RIMS1: variants seen among roughly 807,000 people sequenced by gnomAD.
RIMS1 encodes regulating synaptic membrane exocytosis protein 1.
A neutral mutation model predicts 214.1 loss-of-function variants in RIMS1; 83 were observed. The ratio of observed to expected loss-of-function variants is 0.39; its 90% CI spans 0.32 to 0.47. RIMS1 has a LOEUF of 0.47. RIMS1 is among the 20% of genes least tolerant of loss of function. RIMS1 has a pLI of 0.99. For missense variants in RIMS1, 2,050 were observed against 2,161.8 expected, an observed-to-expected ratio of 0.95 and a Z score of 1.03; for synonymous variants, 793 against 786.8, an observed-to-expected ratio of 1.01 and a Z score of -0.13.
rs750047238 is a variant in RIMS1, at chr6:72,182,515, G to T, written c.1044G>T (p.Glu348Asp). 2 of 1,588,584 alleles carry T rather than the reference G, an allele frequency of 1.3e-6. No homozygotes were observed. Among genetic ancestry groups the T allele is most frequent in the Admixed American group, 1.8e-5 (1 of 55,380 alleles). The change falls in exon 6 of 34, where the codon GAG (glutamate) becomes GAT (aspartate). Residue 348 changes from glutamate to aspartate, a missense_variant. Glu to Asp is a conservative substitution (Grantham distance 45). Around this residue, in one of 6 missense-constraint regions of RIMS1, gnomAD observed 882 missense variants for 828.9 expected, o/e 1.06. Coordinates refer to ENST00000521978, the MANE Select transcript of RIMS1 (RefSeq NM_014989.7). Reference protein sequence around the residue: ...KAADEEKQRKEEDYQTRYRSD... With the variant: ...KAADEEKQRKDEDYQTRYRSD... ...CGGATGAGGAAAAGCAAAGAAAAGA[G>T]GAGGATTATCAGACCAGGTACCGCA...
At chr6:71,918,174 G>A (rs1331491061) in intron 1 of RIMS1, among the ~76,000 whole-genome samples, 1 of 152,140 alleles carries the variant, frequency 6.6e-6, no homozygotes, top group East Asian at 1.9e-4. Context: ...AGATGAAGAA[G>A]AGAGGAGAGG....
chr6:72,341,877 G>A (rs1242765557), intron 29 of RIMS1, among the ~76,000 whole-genome samples: 1 of 151,700 alleles, frequency 6.6e-6, no homozygotes, highest in Admixed American at 6.6e-5. Flanking sequence ...TACTTTGTTA[G>A]CATAATATCT....
At chr6:72,316,450 G>A in intron 28 of RIMS1, 1 of 323,992 alleles carries the variant, frequency 3.1e-6, no homozygotes, top group South Asian at 2.7e-5. Context: ...GCGTGGGGTA[G>A]TCCAATAAAT....
chr6:71,946,660 A>C (rs1337503846), intron 1 of RIMS1, among the ~76,000 whole-genome samples: 1 of 152,166 alleles, frequency 6.6e-6, no homozygotes, highest in African/African-American at 2.4e-5. Context: ...TAAATGTAAG[A>C]CCTGAAACTC....
intron 27 of RIMS1, among the ~76,000 whole-genome samples, chr6:72,309,429 C>T (rs1351847469): frequency 6.6e-6 from 1 of 152,012 alleles, no homozygotes; most frequent in Non-Finnish European, 1.5e-5. Flanking sequence ...TTAGTAGAGC[C>T]TCTCTGTATA....
chr6:72,100,520 G>A (rs1445714387), intron 4 of RIMS1, among the ~76,000 whole-genome samples: 1 of 152,016 alleles, frequency 6.6e-6, no homozygotes, highest in African/African-American at 2.4e-5. Context: ...TGTTAGGAGA[G>A]TAAAAGGTCA....
chr6:72,392,651 A>G (rs1445579129), intron 30 of RIMS1, 47 bp from the exon 31 acceptor site: 1 of 1,270,974 alleles, frequency 7.9e-7, no homozygotes, highest in Admixed American at 1.7e-5. Flanking sequence ...AGAATTCTAG[A>G]AGATTTCATG....
intron 4 of RIMS1, among the ~76,000 whole-genome samples, chr6:72,165,434 T>C (rs142579460): frequency 2.6e-5 from 4 of 152,338 alleles, no homozygotes; most frequent in African/African-American, 9.6e-5. Context: ...ATTATCTCTG[T>C]ATCTCCTGTG....
chr6:72,377,056 GGTCTTTTA>G (rs910282824), intron 29 of RIMS1, among the ~76,000 whole-genome samples: 5 of 152,088 alleles, frequency 3.3e-5, no homozygotes, highest in African/African-American at 1.2e-4. Flanking sequence ...CCAAATAAAA[GGTCTTTTA>G]GTCTCCTTCC....
chr6:72,220,188 T>G (rs1464584056), intron 6 of RIMS1, among the ~76,000 whole-genome samples: 1 of 152,046 alleles, frequency 6.6e-6, no homozygotes, highest in African/African-American at 2.4e-5. Flanking sequence ...CAAGAGAGGA[T>G]AATTCTGGGA....
intron 1 of RIMS1, among the ~76,000 whole-genome samples, chr6:71,960,091 C>T (rs190770372): frequency 3.8e-4 from 58 of 152,222 alleles, no homozygotes; most frequent in Non-Finnish European, 6.5e-4. Context: ...TCTTGACATT[C>T]ATCTTGTTTT....
chr6:72,195,657 C>T (rs1003994372), intron 6 of RIMS1, among the ~76,000 whole-genome samples: 2 of 152,040 alleles, frequency 1.3e-5, no homozygotes, highest in Non-Finnish European at 2.9e-5. Flanking sequence ...TCACTTAGTT[C>T]TTAAACTAAA....
At chr6:72,208,876 A>G (rs1040304813) in intron 6 of RIMS1, among the ~76,000 whole-genome samples, 3 of 152,106 alleles carry the variant, frequency 2.0e-5, no homozygotes, top group African/African-American at 7.2e-5. Flanking sequence ...TGACATTTTG[A>G]CATGTTTGCT....
intron 2 of RIMS1, among the ~76,000 whole-genome samples, chr6:72,096,040 A>C (rs554995881): frequency 1.3e-5 from 2 of 152,170 alleles, no homozygotes; most frequent in South Asian, 4.1e-4. Context: ...AGTTCTATTT[A>C]TAGAGATTTA....
At chr6:72,339,057 G>A (rs1486297040) in intron 29 of RIMS1, among the ~76,000 whole-genome samples, 1 of 151,748 alleles carries the variant, frequency 6.6e-6, no homozygotes, top group Non-Finnish European at 1.5e-5. Flanking sequence ...GTATCATAGA[G>A]CAAATCACAT....
intron 2 of RIMS1, among the ~76,000 whole-genome samples, chr6:72,003,507 A>G (rs1309844883): frequency 5.3e-5 from 8 of 152,020 alleles, no homozygotes; most frequent in Non-Finnish European, 7.4e-5. Flanking sequence ...TCTGACACCT[A>G]ATTTTCAGCT....
chr6:71,889,426 A>G (rs1424703322), intron 1 of RIMS1, among the ~76,000 whole-genome samples: 1 of 152,182 alleles, frequency 6.6e-6, no homozygotes, highest in African/African-American at 2.4e-5. Flanking sequence ...TGGCTTGCAT[A>G]TATTGTTCCT....
chr6:72,153,191 T>C (rs1562443846), intron 4 of RIMS1, among the ~76,000 whole-genome samples: 1 of 151,152 alleles, frequency 6.6e-6, no homozygotes, highest in Non-Finnish European at 1.5e-5. Context: ...ATAGACCTCA[T>C]AACGAATTGC....
intron 8 of RIMS1, 132 bp downstream of exon 8, chr6:72,235,860 T>TAA (rs761829016): frequency 2.5e-5 from 10 of 403,500 alleles, no homozygotes; most frequent in Non-Finnish European, 4.3e-5. Flanking sequence ...AGCATATAGA[T>TAA]ATGTTAGGAA....
Sources: allele counts gnomAD v4.1 joint callset (sites outside exome capture counted in the v4.1 genomes callset), GRCh38; gene constraint gnomAD v4.1.1; regional missense constraint gnomAD v4.1.1; transcripts MANE v1.5; gene names NCBI Gene and HGNC (gene_info 2026-07-23, HGNC 2026-07-21).